Variants in STAT4 observed in about 807,000 individuals in gnomAD.
The protein encoded by STAT4 is signal transducer and activator of transcription 4.
STAT4 carries 42 observed loss-of-function variants against 110.5 expected under a neutral mutation model. The ratio of observed to expected loss-of-function variants is 0.38; its 90% CI spans 0.30 to 0.49. The LOEUF (loss-of-function observed/expected upper bound fraction) is 0.49. Among genes scored for constraint, STAT4 ranks in the 20% least tolerant of loss-of-function variants. The pLI is 0.95. For synonymous variants in STAT4, 284 were observed against 302.2 expected (o/e 0.94, Z 0.63); for missense variants, 632 against 887.9 (o/e 0.71, Z 3.66).
Position 191,061,608 on chromosome 2 carries a change from C to T in STAT4, c.1034+121G>A, listed in dbSNP as rs969376504. On this transcript the variant is annotated intron_variant, in intron 10 of 23. Coordinates refer to ENST00000392320, the MANE Select transcript of STAT4 (RefSeq NM_003151.4). The surrounding 1 kb of genome is among the most constrained non-coding windows in gnomAD (Gnocchi z 6.2). ...ATTTCCCCAAGCTCAGAGCTGGGCA[C>T]ACAGCAGATGGTTCAATAAAGAACA... is the stretch of plus-strand genomic sequence containing the variant. 31 of 924,678 alleles carry T rather than the reference C, an allele frequency of 3.4e-5. No homozygotes were observed. In the African/African-American group the frequency reaches 4.4e-4, roughly 13 times the overall value. 57.3% of individuals were successfully genotyped at this position (924,678 alleles called of 1,614,324 possible). A position where few individuals can be genotyped will look rare whatever the true frequency, so the allele number is the denominator to read the frequency against.
rs1029527690 is a variant in STAT4, at chr2:191,039,911, T to C, written c.1336-614A>G. Among the ~76,000 whole-genome samples, 2 of 152,354 alleles carry C rather than the reference T, an allele frequency of 1.3e-5. No homozygotes were observed. The highest frequency in any genetic ancestry group is 4.1e-4 in the South Asian group (2 of 4,826). ...GCTTGGGAAACTAATCAACTTACAG[T>C]ACTCTTTTCCCAATAACAGACATCA... On this transcript the variant is annotated intron_variant, in intron 15 of 23. Coordinates refer to ENST00000392320, the MANE Select transcript of STAT4 (RefSeq NM_003151.4). The surrounding 1 kb of genome is among the most constrained non-coding windows in gnomAD (Gnocchi z 4.7).
At chr2:191,076,051 G>T in intron 4 of STAT4, 176 bp downstream of exon 4, 8 of 520,862 alleles carry the variant, frequency 1.5e-5, no homozygotes, top group Middle Eastern at 3.4e-4. Flanking sequence ...ACAGGGTCTT[G>T]CTGCATTGGC....
chr2:191,150,008 A>T lies in STAT4; in HGVS notation c.-2+939T>A, dbSNP rs1433780259. Among the ~76,000 whole-genome samples the T allele has an allele frequency of 1.3e-5, 2 of 152,248 alleles. No homozygotes were observed. The highest frequency in any genetic ancestry group is 2.9e-5 in the Non-Finnish European group (2 of 68,038). ...TAAGAGGATTTTGAATGTTCACAACACAAAGTAATGATAAATGTTTGAGGT... is the reference window on the plus strand; with the variant it reads ...TAAGAGGATTTTGAATGTTCACAACTCAAAGTAATGATAAATGTTTGAGGT... On this transcript the variant is annotated intron_variant, in intron 1 of 23. Transcript: ENST00000392320. This position sits in a 1 kb window ranked among gnomAD's most constrained non-coding sequence, Gnocchi z 6.4.
At position 191,077,415 on chromosome 2, in the gene STAT4, C is replaced by A. The variant is rs1484240480; in HGVS notation, c.274-1090G>T. Among the ~76,000 whole-genome samples, 4 of 152,118 alleles carry A rather than the reference C, an allele frequency of 2.6e-5. No homozygotes were observed. Reference sequence around the variant, plus strand: ...TCAATAGTATTAAATTTCTTTGTTACTGGACTTTTTCCAGGGCAGGATTAA... The same window carrying A: ...TCAATAGTATTAAATTTCTTTGTTAATGGACTTTTTCCAGGGCAGGATTAA... On this transcript the variant is annotated intron_variant, in intron 3 of 23. Coordinates refer to ENST00000392320, the MANE Select transcript of STAT4 (RefSeq NM_003151.4). This position sits in a 1 kb window ranked among gnomAD's most constrained non-coding sequence, Gnocchi z 4.1.
intron 13 of STAT4, among the ~76,000 whole-genome samples, chr2:191,055,064 T>C (rs1385629928): frequency 6.6e-6 from 1 of 152,238 alleles, no homozygotes; most frequent in East Asian, 1.9e-4. Context: ...ACAAATTTTA[T>C]AGTGTGTATT....
rs574066394 is a variant in STAT4 at position 191,113,926 on chromosome 2, C to G, written c.273+32687G>C. Among the ~76,000 whole-genome samples the G allele has an allele frequency of 6.6e-6, 1 of 152,288 alleles. No homozygotes were observed. Among genetic ancestry groups the G allele is most frequent in the South Asian group, 2.1e-4 (1 of 4,826 alleles). Reference sequence around the variant, plus strand: ...GATATGCCTCTCCCTTCTGCTCAACCACCACAGACAGGAGGTTCCCCTAGA... The same window carrying G: ...GATATGCCTCTCCCTTCTGCTCAACGACCACAGACAGGAGGTTCCCCTAGA... On this transcript the variant is annotated intron_variant, in intron 3 of 23. Transcript: ENST00000392320. This position sits in a 1 kb window ranked among gnomAD's most constrained non-coding sequence, Gnocchi z 4.8.
chr2:191,084,586 T>C (rs538491863), intron 3 of STAT4, among the ~76,000 whole-genome samples: 1 of 152,266 alleles, frequency 6.6e-6, no homozygotes, highest in South Asian at 2.1e-4. Context: ...TAATTTTCTC[T>C]AGTTAAAAAG....
At chr2:191,114,138 T>C (rs1698501898) in intron 3 of STAT4, among the ~76,000 whole-genome samples, 1 of 152,196 alleles carries the variant, frequency 6.6e-6, no homozygotes, top group South Asian at 2.1e-4. Flanking sequence ...GGAATAATTT[T>C]CAGTGAACGT....
In STAT4 at chr2:191,143,910, A is replaced by C. The variant is rs115148602; in HGVS notation, c.273+2703T>G. ...AATGGGATTATAGTAGGTTAAAAAG[A>C]AGCATAAAACTCAGGTTTGTTTAGG... On this transcript the variant is annotated intron_variant, in intron 3 of 23. Transcript: ENST00000392320. The surrounding 1 kb of genome is among the most constrained non-coding windows in gnomAD (Gnocchi z 5.6). Among the ~76,000 whole-genome samples, 13,416 of 152,206 alleles carry C rather than the reference A, an allele frequency of 0.088. 858 individuals carry two copies. The highest frequency in any genetic ancestry group is 0.18 in the African/African-American group (7,295 of 41,494).
intron 3 of STAT4, among the ~76,000 whole-genome samples, chr2:191,125,385 T>A (rs1387442800): frequency 1.3e-5 from 2 of 151,910 alleles, no homozygotes; most frequent in East Asian, 3.9e-4. Flanking sequence ...GAGATCACTA[T>A]GTTCTTGACA....
intron 3 of STAT4, among the ~76,000 whole-genome samples, chr2:191,108,737 G>A (rs1698347306): frequency 6.6e-6 from 1 of 152,258 alleles, no homozygotes; most frequent in African/African-American, 2.4e-5. Context: ...CCGTGATTCT[G>A]TGGTTGGGCC....
At position 191,066,507 on chromosome 2, in the gene STAT4, C is replaced by T; in HGVS notation, c.553G>A (p.Asp185Asn). 6.2e-7 allele frequency: 1 copy of T among 1,613,200 alleles called. No individual in the cohort carries two copies. Among genetic ancestry groups the T allele is most frequent in the South Asian group, 1.1e-5 (1 of 91,042 alleles). ...TGATTCACCATGGCACTATTCTTGT[C>T]ACTCTGATCTGCAAAGGTAAAGAGA... ...YKTIQTMDQSDKNSAMVNQEV... is the reference protein window; with the variant it reads ...YKTIQTMDQSNKNSAMVNQEV... The change falls in exon 7 of 24, where the codon GAC becomes AAC. Residue 185 changes from aspartate to asparagine, a missense_variant. Coordinates refer to ENST00000392320, the MANE Select transcript of STAT4 (RefSeq NM_003151.4). The surrounding 1 kb of genome is among the most constrained non-coding windows in gnomAD (Gnocchi z 4.3).
Position 191,107,671 on chromosome 2 carries a change from T to C in STAT4, c.274-31346A>G, listed in dbSNP as rs749609370. ...TTTTGGTTTTGATATAGTGTTTTGT[T>C]TGCAGGGTTAGCAAATATGGCATCA... On this transcript the variant is annotated intron_variant, in intron 3 of 23. Coordinates refer to ENST00000392320, the MANE Select transcript of STAT4 (RefSeq NM_003151.4). The surrounding 1 kb of genome is among the most constrained non-coding windows in gnomAD (Gnocchi z 4.2). 1.1e-4 allele frequency among the ~76,000 whole-genome samples: 16 copies of C among 152,232 alleles called. No homozygotes were observed. Among genetic ancestry groups the C allele is most frequent in the South Asian group, 2.1e-4 (1 of 4,830 alleles).
At chr2:191,101,878 C>A (rs1347944778) in intron 3 of STAT4, among the ~76,000 whole-genome samples, 1 of 152,044 alleles carries the variant, frequency 6.6e-6, no homozygotes, top group Non-Finnish European at 1.5e-5. Flanking sequence ...TGAGATATGA[C>A]ATGTCCTTAG....
At chr2:191,118,933 T>C (rs1316597727) in intron 3 of STAT4, among the ~76,000 whole-genome samples, 3 of 152,152 alleles carry the variant, frequency 2.0e-5, no homozygotes, top group Non-Finnish European at 4.4e-5. Flanking sequence ...TAAGTTTTTC[T>C]AATTTTTGTT....
At position 191,135,236 on chromosome 2, in the gene STAT4, C is replaced by T. The variant is rs996522410; in HGVS notation, c.273+11377G>A. 4.6e-5 allele frequency among the ~76,000 whole-genome samples: 7 copies of T among 151,912 alleles called. No homozygotes were observed. Among genetic ancestry groups the T allele is most frequent in the African/African-American group, 1.2e-4 (5 of 41,350 alleles). On this transcript the variant is annotated intron_variant, in intron 3 of 23. Coordinates refer to ENST00000392320, the MANE Select transcript of STAT4 (RefSeq NM_003151.4). The surrounding 1 kb of genome is among the most constrained non-coding windows in gnomAD (Gnocchi z 4.8). ...AAAGGAGACATTACAACTGACATCA[C>T]GAAAATATAAAAGATCATCAGAGAC...
Position 191,030,470 on chromosome 2 carries a change from A to T in STAT4, c.2220+502T>A, listed in dbSNP as rs142185462. Among the ~76,000 whole-genome samples, 1 of 152,218 alleles carries T rather than the reference A, an allele frequency of 6.6e-6. No individual in the cohort carries two copies. The highest frequency in any genetic ancestry group is 2.4e-5 in the African/African-American group (1 of 41,464). ...ATTATTATGCCATTGACTGTTATTC[A>T]TATATTATTGATGAGGCTCCGGGTT... is the stretch of plus-strand genomic sequence containing the variant. On this transcript the variant is annotated intron_variant, in intron 23 of 23. Coordinates refer to ENST00000392320, the MANE Select transcript of STAT4 (RefSeq NM_003151.4). The surrounding 1 kb of genome is among the most constrained non-coding windows in gnomAD (Gnocchi z 4.4).
chr2:191,031,553 T>G lies in STAT4; in HGVS notation c.2045-37A>C, dbSNP rs376316085. The G allele has an allele frequency of 3.8e-6, 6 of 1,565,054 alleles. No homozygotes were observed. The highest frequency in any genetic ancestry group is 5.3e-6 in the Non-Finnish European group (6 of 1,141,014). On this transcript the variant is annotated intron_variant, in intron 21 of 23. Transcript: ENST00000392320. The surrounding 1 kb of genome is among the most constrained non-coding windows in gnomAD (Gnocchi z 4.8). ...AAAGGCACAATGTTGGGGAAAAAAA[T>G]GTCAATATTATCAATAAAACTGGGG...
chr2:191,131,916 G>A, intron 3 of STAT4: 2 of 1,391,882 alleles, frequency 1.4e-6, no homozygotes, highest in Non-Finnish European at 1.9e-6. Flanking sequence ...GCAAATTAGA[G>A]GTCTGTTTAT....
Sources: gnomAD v4.1 joint callset for allele counts (sites outside exome capture counted in the v4.1 genomes callset) on GRCh38, gnomAD v4.1.1 for gene constraint, Gnocchi (gnomAD v3.1) non-coding constraint, MANE v1.5 for transcripts, NCBI Gene and HGNC (gene_info 2026-07-23, HGNC 2026-07-21) for gene names.